PLCG2: variants seen among roughly 807,000 people sequenced by gnomAD.
PLCG2 encodes the protein phospholipase C gamma 2.
PLCG2 carries 69 observed loss-of-function variants against 175.6 expected under a neutral mutation model. The ratio of observed to expected loss-of-function variants is 0.39; its 90% confidence interval spans 0.32 to 0.48. The LOEUF is 0.48. PLCG2 is among the 20% of genes least tolerant of loss of function. The pLI is 0.91. For missense variants in PLCG2, 1,798 were observed against 1,650.9 expected (o/e 1.09, Z -1.54); for synonymous variants, 827 against 624.0 (o/e 1.33, Z -4.85).
At chr16:81,834,719 C>A (rs1905424937) in intron 2 of PLCG2, among the ~76,000 whole-genome samples, 1 of 152,148 alleles carries the variant, frequency 6.6e-6, no homozygotes, top group African/African-American at 2.4e-5. Context: ...GGGAGGAGAA[C>A]CCACTGGACC....
At chr16:81,780,241 C>T (rs1402048331) in intron 1 of PLCG2, among the ~76,000 whole-genome samples, 1 of 152,122 alleles carries the variant, frequency 6.6e-6, no homozygotes, top group Non-Finnish European at 1.5e-5. Flanking sequence ...ATCAGTGGGA[C>T]CCTGGGCAAG....
At chr16:81,878,330 C>G (rs981475775) in intron 7 of PLCG2, among the ~76,000 whole-genome samples, 4 of 152,138 alleles carry the variant, frequency 2.6e-5, no homozygotes, top group Non-Finnish European at 5.9e-5. Context: ...CGGGTCCACC[C>G]TAACCCAGCA....
intron 2 of PLCG2, among the ~76,000 whole-genome samples, chr16:81,811,928 C>A (rs7405099): frequency 1 from 151,537 of 152,266 alleles, 75,406 homozygotes; most frequent in East Asian, 1. Flanking sequence ...GGTGCTAGAT[C>A]CTCGAGGAAT....
intron 2 of PLCG2, among the ~76,000 whole-genome samples, chr16:81,799,226 C>A (rs372042942): frequency 6.6e-6 from 1 of 152,086 alleles, no homozygotes; most frequent in South Asian, 2.1e-4. Flanking sequence ...ACCCCTTAGC[C>A]CCCGCCACCC....
intron 2 of PLCG2, among the ~76,000 whole-genome samples, chr16:81,827,791 A>T (rs1283246229): frequency 4.6e-5 from 7 of 151,986 alleles, no homozygotes; most frequent in East Asian, 1.9e-4. Flanking sequence ...CTCCTCATTT[A>T]AAAAAAAGCG....
At chr16:81,772,223 C>T (rs1910297129) in intron 2 of PLCG2, among the ~76,000 whole-genome samples, 1 of 152,028 alleles carries the variant, frequency 6.6e-6, no homozygotes, top group African/African-American at 2.4e-5. Context: ...GAGCAGAGGG[C>T]CATGAGAAGA....
intron 9 of PLCG2, chr16:81,883,568 G>T: frequency 1.7e-6 from 1 of 582,426 alleles, no homozygotes; most frequent in Non-Finnish European, 3.1e-6. Context: ...CCTCATGTCG[G>T]GCCTCTTTTG....
chr16:81,790,794 G>T (rs1001369461), intron 2 of PLCG2, among the ~76,000 whole-genome samples: 2 of 152,116 alleles, frequency 1.3e-5, no homozygotes, highest in Non-Finnish European at 2.9e-5. Context: ...CAGGGTAGGG[G>T]GCATTTGGCA....
chr16:81,742,644 A>G (rs1215893138), intron 1 of PLCG2, among the ~76,000 whole-genome samples: 1 of 152,170 alleles, frequency 6.6e-6, no homozygotes, highest in East Asian at 1.9e-4. Flanking sequence ...CAGGCATCCC[A>G]CTGCTTTCAG....
intron 2 of PLCG2, among the ~76,000 whole-genome samples, chr16:81,772,156 A>G (rs1049270305): frequency 6.6e-6 from 1 of 152,156 alleles, no homozygotes; most frequent in Non-Finnish European, 1.5e-5. Context: ...CAGGGTGGAC[A>G]CTCAATCAGA....
At position 81,919,558 on chromosome 16, in the gene PLCG2, T is replaced by C; in HGVS notation, c.2129T>C (p.Phe710Ser). 6.2e-7 allele frequency: 1 copy of C among 1,614,182 alleles called. No individual in the cohort carries two copies. Residue 710 changes from phenylalanine to serine, a missense_variant, in exon 20 of 33, where the codon TTT (phenylalanine) becomes TCT (serine). Phe to Ser is a radical substitution (Grantham distance 155, BLOSUM62 -2). Transcript: ENST00000564138. ...RHFVLGTSAY[F>S]ESLVELVSYY... is the part of the protein sequence containing the mutation. ...TTTGTGCTGGGGACCTCCGCCTATT[T>C]TGAGAGTCTGGTGGAGCTCGTCAGT...
intron 20 of PLCG2, among the ~76,000 whole-genome samples, chr16:81,920,122 C>T (rs1311582948): frequency 6.6e-6 from 1 of 152,122 alleles, no homozygotes; most frequent in Admixed American, 6.5e-5. Flanking sequence ...CAAGCCAGCC[C>T]AGGTGGGGGT....
intron 31 of PLCG2, among the ~76,000 whole-genome samples, chr16:81,954,975 A>G (rs547037780): frequency 3.3e-5 from 5 of 152,266 alleles, no homozygotes; most frequent in African/African-American, 7.2e-5. Context: ...AAGTGTTCCT[A>G]TTTCTCCACA....
intron 2 of PLCG2, among the ~76,000 whole-genome samples, chr16:81,806,617 T>C (rs1904282164): frequency 6.6e-6 from 1 of 152,008 alleles, no homozygotes; most frequent in Non-Finnish European, 1.5e-5. Context: ...CCTGCAGACA[T>C]GTGATTCGTG....
intron 2 of PLCG2, among the ~76,000 whole-genome samples, chr16:81,772,899 T>C (rs150648061): frequency 6.6e-6 from 1 of 152,188 alleles, no homozygotes; most frequent in South Asian, 2.1e-4. Context: ...GATGCCTTCT[T>C]GCTCTGTGCC....
chr16:81,744,805 A>C (rs1456616154), intron 1 of PLCG2, among the ~76,000 whole-genome samples: 2 of 151,740 alleles, frequency 1.3e-5, no homozygotes, highest in African/African-American at 4.8e-5. Context: ...GACTCAAACA[A>C]TTCTTCCGCC....
chr16:81,906,563 A>G (rs1909377973), intron 15 of PLCG2, among the ~76,000 whole-genome samples: 1 of 152,166 alleles, frequency 6.6e-6, no homozygotes, highest in Non-Finnish European at 1.5e-5. Flanking sequence ...AACTGGGACC[A>G]CAGATGTGCA....
chr16:81,936,054 A>C (rs980473927), intron 26 of PLCG2, 115 bp from the exon 27 acceptor site: 1 of 1,485,056 alleles, frequency 6.7e-7, no homozygotes, highest in Non-Finnish European at 8.9e-7. Context: ...TGAATGTCAA[A>C]GAGGGAGATT....
In PLCG2 at chr16:81,935,892, T is replaced by C. The variant is rs564672532; in HGVS notation, c.2843-277T>C. On this transcript the variant is annotated intron_variant, in intron 26 of 32. Coordinates refer to ENST00000564138, the MANE Select transcript of PLCG2 (RefSeq NM_002661.5). ...CTGTACCACTTTTGTGTTTTCTTGT[T>C]CAAGGATGGTGATAGTTTAAAAAAA... 16 of 985,308 alleles carry C rather than the reference T, an allele frequency of 1.6e-5. No individual in the cohort carries two copies. The African/African-American group carries it at 2.8e-4, about 17-fold the overall frequency. 61.0% of individuals were successfully genotyped at this position (985,308 alleles called of 1,614,324 possible).
Sources: allele counts gnomAD v4.1 joint callset (sites outside exome capture counted in the v4.1 genomes callset), GRCh38; gene constraint gnomAD v4.1.1; transcripts MANE v1.5; gene names NCBI Gene and HGNC (gene_info 2026-07-23, HGNC 2026-07-21).